Variants in THAP12 observed in about 807,000 individuals in gnomAD.
The protein encoded by THAP12 is 52 kDa repressor of the inhibitor of the protein kinase.
THAP12 carries 20 observed loss-of-function variants against 63.0 expected under a neutral mutation model. The observed-to-expected ratio is 0.32, with a 90% CI of 0.22 to 0.46. THAP12 has a LOEUF of 0.46. THAP12 is among the 20% of genes least tolerant of loss of function. The probability of loss-of-function intolerance (pLI) is 1.00; values close to 1 mark genes in which losing one functional copy is unlikely to be tolerated. For synonymous variants in THAP12, 264 were observed against 328.4 expected, an observed-to-expected ratio of 0.80 and a Z score of 2.12; for missense variants, 568 against 908.2, an observed-to-expected ratio of 0.63 and a Z score of 4.81.
intron 2 of THAP12, among the ~76,000 whole-genome samples, chr11:76,362,059 T>C (rs1317049193): frequency 2.6e-5 from 4 of 152,198 alleles, no homozygotes; most frequent in Non-Finnish European, 5.9e-5. Flanking sequence ...GCTGGATGCA[T>C]ACTTAGATGG....
At chr11:76,378,245 C>T (rs866951683) in intron 1 of THAP12, among the ~76,000 whole-genome samples, 1 of 151,832 alleles carries the variant, frequency 6.6e-6, no homozygotes, top group Admixed American at 6.6e-5. Context: ...ATGGCGAAAC[C>T]CCGTCTTGAC....
chr11:76,366,056 A>G (rs904707199), intron 1 of THAP12, 84 bp from the exon 2 acceptor site: 27 of 1,410,540 alleles, frequency 1.9e-5, no homozygotes, highest in Non-Finnish European at 2.6e-5. Flanking sequence ...ACATACATTA[A>G]TAACAACGGA....
chr11:76,352,984 GA>G (rs1172205721), intron 4 of THAP12, among the ~76,000 whole-genome samples, 190 bp from the exon 5 acceptor site: 2 of 152,108 alleles, frequency 1.3e-5, no homozygotes, highest in African/African-American at 4.8e-5. Context: ...CCTAGTGGGA[GA>G]GACAAACAGT....
At chr11:76,363,034 T>C (rs1000180032) in intron 2 of THAP12, among the ~76,000 whole-genome samples, 2 of 152,106 alleles carry the variant, frequency 1.3e-5, no homozygotes, top group African/African-American at 4.8e-5. Flanking sequence ...TTCCAGCTAC[T>C]TGGGAGGCTC....
intron 1 of THAP12, among the ~76,000 whole-genome samples, chr11:76,366,811 T>C (rs1946634559): frequency 6.6e-6 from 1 of 152,086 alleles, no homozygotes; most frequent in Non-Finnish European, 1.5e-5. Context: ...GCTGACTAGA[T>C]TGCAAGCTCC....
chr11:76,371,816 T>C (rs894424988), intron 1 of THAP12, among the ~76,000 whole-genome samples: 7 of 144,208 alleles, frequency 4.9e-5, no homozygotes, highest in South Asian at 2.2e-4. Context: ...TTTTCTTTTT[T>C]TTTTTTTTTT....
At chr11:76,374,793 T>C (rs1333091061) in intron 1 of THAP12, among the ~76,000 whole-genome samples, 1 of 152,214 alleles carries the variant, frequency 6.6e-6, no homozygotes, top group Non-Finnish European at 1.5e-5. Context: ...ATGGTCTGAA[T>C]GTCTGCATCC....
intron 4 of THAP12, among the ~76,000 whole-genome samples, chr11:76,354,129 T>A (rs1367339987): frequency 6.6e-6 from 1 of 152,210 alleles, no homozygotes; most frequent in Non-Finnish European, 1.5e-5. Context: ...TGAGAATTAT[T>A]CTAGCACAAG....
chr11:76,376,918 G>A (rs1946715415), intron 1 of THAP12, among the ~76,000 whole-genome samples: 1 of 152,050 alleles, frequency 6.6e-6, no homozygotes, highest in Admixed American at 6.5e-5. Context: ...GAATGTCTTT[G>A]GGCTAAAATT....
At position 76,375,702 on chromosome 11, in the gene THAP12, C is replaced by T. The variant is rs140620077; in HGVS notation, c.89+5046G>A. Among the ~76,000 whole-genome samples the T allele has an allele frequency of 1.5e-3, 192 of 131,984 alleles. 2 individuals are homozygous for T. Among genetic ancestry groups the T allele is most frequent in the African/African-American group, 5.3e-3 (183 of 34,696 alleles). 86.6% of individuals were successfully genotyped at this position (131,984 alleles called of 152,430 possible). Reference sequence around the variant, plus strand: ...CATTTGAAGACTAGACTGGCAATGTCACCTTTTATCAACCTTCCCTACAAC... The same window carrying T: ...CATTTGAAGACTAGACTGGCAATGTTACCTTTTATCAACCTTCCCTACAAC... On this transcript the variant is annotated intron_variant, in intron 1 of 4. Coordinates refer to ENST00000260045, the MANE Select transcript of THAP12 (RefSeq NM_004705.4).
intron 2 of THAP12, among the ~76,000 whole-genome samples, chr11:76,364,893 A>C (rs572121325): frequency 6.6e-6 from 1 of 152,252 alleles, no homozygotes; most frequent in Non-Finnish European, 1.5e-5. Flanking sequence ...AAAAAGCTCT[A>C]AAGAGCTCCA....
intron 2 of THAP12, among the ~76,000 whole-genome samples, chr11:76,363,629 C>G (rs1946612933): frequency 6.6e-6 from 1 of 152,164 alleles, no homozygotes; most frequent in South Asian, 2.1e-4. Context: ...CACTCTGTCA[C>G]CAAGGCTGAA....
intron 1 of THAP12, among the ~76,000 whole-genome samples, chr11:76,377,120 AC>A (rs1437612788): frequency 6.6e-6 from 1 of 151,968 alleles, no homozygotes; most frequent in Non-Finnish European, 1.5e-5. Context: ...GATAACCTTA[AC>A]CCGTACCACG....
At chr11:76,358,381 T>C (rs1482304707) in intron 3 of THAP12, 1 of 152,192 alleles carries the variant, frequency 6.6e-6, no homozygotes, top group Non-Finnish European at 1.5e-5. Flanking sequence ...TGCAGTCAAC[T>C]AGAGTTCATT....
At chr11:76,362,698 T>C (rs1268265992) in intron 2 of THAP12, among the ~76,000 whole-genome samples, 4 of 152,236 alleles carry the variant, frequency 2.6e-5, no homozygotes, top group Non-Finnish European at 2.9e-5. Flanking sequence ...ATTCTTGATA[T>C]CTTACTAATT....
At chr11:76,356,766 G>A (rs1946563961) in intron 3 of THAP12, 1 of 151,974 alleles carries the variant, frequency 6.6e-6, no homozygotes, top group African/African-American at 2.4e-5. Context: ...GGTTGTGCCG[G>A]GCATGGTGGC....
chr11:76,359,127 C>G (rs892090495), intron 3 of THAP12: 1 of 152,162 alleles, frequency 6.6e-6, no homozygotes, highest in African/African-American at 2.4e-5. Flanking sequence ...ACAATTTCAA[C>G]CAGAATATAT....
intron 1 of THAP12, among the ~76,000 whole-genome samples, chr11:76,366,687 A>G (rs1290303401): frequency 6.6e-6 from 1 of 152,140 alleles, no homozygotes; most frequent in African/African-American, 2.4e-5. Context: ...TCTCGGAAAA[A>G]AAAAAAAAAA....
At chr11:76,376,904 G>C (rs1290883566) in intron 1 of THAP12, among the ~76,000 whole-genome samples, 1 of 152,194 alleles carries the variant, frequency 6.6e-6, no homozygotes, top group Non-Finnish European at 1.5e-5. Context: ...AAATAAACCT[G>C]TAAGAATGTC....
Sources: allele counts gnomAD v4.1 joint callset (sites outside exome capture counted in the v4.1 genomes callset), GRCh38; gene constraint gnomAD v4.1.1; transcripts MANE v1.5; gene names NCBI Gene and HGNC (gene_info 2026-07-23, HGNC 2026-07-21).